The following UHRF2 variants were observed in gnomAD, a reference collection of about 807,000 sequenced individuals.
The protein encoded by UHRF2 is E3 ubiquitin-protein ligase UHRF2.
UHRF2 carries 23 observed loss-of-function variants against 96.8 expected under a neutral mutation model. That is an observed-to-expected ratio of 0.24 (90% confidence interval 0.17 to 0.34). The LOEUF (loss-of-function observed/expected upper bound fraction) is 0.34. Ranked by LOEUF, UHRF2 falls within the 10% of genes least tolerant of loss-of-function variation. The probability of loss-of-function intolerance (pLI) is 1.00; values close to 1 mark genes in which losing one functional copy is unlikely to be tolerated. For missense variants in UHRF2, 685 were observed against 981.5 expected (o/e 0.70, Z 4.04); for synonymous variants, 385 against 332.6 (o/e 1.16, Z -1.72).
chr9:6,462,327 A>C (rs917933597), intron 4 of UHRF2, among the ~76,000 whole-genome samples: 7 of 151,256 alleles, frequency 4.6e-5, no homozygotes, highest in Admixed American at 6.6e-5. Context: ...TGAGATTTAA[A>C]AAAAAAAAAA....
At chr9:6,446,628 C>T (rs1305443197) in intron 3 of UHRF2, among the ~76,000 whole-genome samples, 2 of 151,498 alleles carry the variant, frequency 1.3e-5, no homozygotes, top group Non-Finnish European at 2.9e-5. Flanking sequence ...GCGGGTGGAT[C>T]ACTTGGGGAC....
intron 13 of UHRF2, 106 bp downstream of exon 13, chr9:6,500,037 A>G: frequency 2.3e-6 from 2 of 886,718 alleles, no homozygotes; most frequent in Non-Finnish European, 3.5e-6. Context: ...CAGTGGAAAG[A>G]TCTTGGCTCA....
chr9:6,488,995 A>G (rs1008099187), intron 9 of UHRF2, among the ~76,000 whole-genome samples: 1 of 151,720 alleles, frequency 6.6e-6, no homozygotes, highest in East Asian at 1.9e-4. Context: ...TTTTTAGTAT[A>G]GGTGGGGTTT....
intron 3 of UHRF2, among the ~76,000 whole-genome samples, chr9:6,438,593 A>G (rs1025179042): frequency 6.6e-6 from 1 of 152,216 alleles, no homozygotes. Flanking sequence ...GTAGCAGTGT[A>G]GTTTGAACAA....
intron 3 of UHRF2, among the ~76,000 whole-genome samples, chr9:6,451,773 T>TTTGTTGTTGTTGTTGTTGTTG (rs1168664809): frequency 3.0e-4 from 45 of 148,918 alleles, no homozygotes; most frequent in African/African-American, 5.0e-4. Context: ...GCCCGGCCTG[T>TTTGTTGTTGTTGTTGTTGTTG]TTGTTGTTGT....
At chr9:6,446,916 T>C (rs1039948051) in intron 3 of UHRF2, among the ~76,000 whole-genome samples, 1 of 151,704 alleles carries the variant, frequency 6.6e-6, no homozygotes, top group African/African-American at 2.4e-5. Flanking sequence ...TGAGACAGAG[T>C]CTTGCTCTGT....
intron 3 of UHRF2, 70 bp from the exon 4 acceptor site, chr9:6,460,503 T>C (rs1285952324): frequency 1.5e-6 from 2 of 1,351,534 alleles, no homozygotes; most frequent in African/African-American, 2.9e-5. Context: ...AAATTAGGTT[T>C]TTCTGTACAT....
chr9:6,413,958 C>G (rs916697668), intron 1 of UHRF2: 4 of 215,328 alleles, frequency 1.9e-5, no homozygotes, highest in African/African-American at 9.1e-5. Context: ...CCTCGCTTCC[C>G]GCGCTCGGCG....
intron 1 of UHRF2, among the ~76,000 whole-genome samples, chr9:6,420,309 C>T (rs1453287346): frequency 6.6e-6 from 1 of 151,740 alleles, no homozygotes; most frequent in African/African-American, 2.4e-5. Flanking sequence ...CTCTTTTCGG[C>T]CTCCCAAAGT....
At chr9:6,421,247 G>C (rs1020408732) in intron 2 of UHRF2, 105 bp downstream of exon 2, 1 of 864,858 alleles carries the variant, frequency 1.2e-6, no homozygotes, top group Admixed American at 2.9e-5. Flanking sequence ...TGAAAGTAAA[G>C]ATTGGGATGT....
chr9:6,484,278 G>A (rs1285767712), intron 8 of UHRF2, among the ~76,000 whole-genome samples: 1 of 151,930 alleles, frequency 6.6e-6, no homozygotes, highest in African/African-American at 2.4e-5. Flanking sequence ...GTCATGCTAT[G>A]TTACCCAGGC....
chr9:6,448,555 G>A (rs1300275769), intron 3 of UHRF2, among the ~76,000 whole-genome samples: 1 of 152,198 alleles, frequency 6.6e-6, no homozygotes, highest in African/African-American at 2.4e-5. Flanking sequence ...ATGCCAGACT[G>A]TCCTAAGGGT....
intron 3 of UHRF2, among the ~76,000 whole-genome samples, chr9:6,458,750 A>G (rs905524538): frequency 3.3e-5 from 5 of 152,316 alleles, no homozygotes; most frequent in East Asian, 1.9e-4. Context: ...TCATTCTACT[A>G]TAAAGACACA....
At chr9:6,505,455 C>G (rs1377767474) in intron 15 of UHRF2, among the ~76,000 whole-genome samples, 1 of 152,072 alleles carries the variant, frequency 6.6e-6, no homozygotes, top group Non-Finnish European at 1.5e-5. Flanking sequence ...ACCACCCTGC[C>G]CAGCTAATTT....
At chr9:6,504,918 TGAG>T (rs1816504977) in intron 15 of UHRF2, among the ~76,000 whole-genome samples, 2 of 152,206 alleles carry the variant, frequency 1.3e-5, no homozygotes, top group African/African-American at 4.8e-5. Context: ...TTTGGAATTT[TGAG>T]GAGGGGCTGA....
chr9:6,455,080 C>G (rs1047497857), intron 3 of UHRF2, among the ~76,000 whole-genome samples: 5 of 152,176 alleles, frequency 3.3e-5, no homozygotes, highest in Non-Finnish European at 5.9e-5. Context: ...CCAGATGTTA[C>G]TCATTTCTTT....
intron 8 of UHRF2, among the ~76,000 whole-genome samples, chr9:6,484,911 A>G (rs1445636991): frequency 1.4e-5 from 2 of 146,772 alleles, no homozygotes; most frequent in African/African-American, 5.1e-5. Context: ...CTCCTGCCTC[A>G]GCCTCCCAAG....
At chr9:6,446,952 A>G (rs1186904944) in intron 3 of UHRF2, among the ~76,000 whole-genome samples, 1 of 152,056 alleles carries the variant, frequency 6.6e-6, no homozygotes, top group Non-Finnish European at 1.5e-5. Flanking sequence ...GCAGTAGCAC[A>G]ATCTCGGCTC....
intron 2 of UHRF2, among the ~76,000 whole-genome samples, chr9:6,423,363 A>C (rs1165475575): frequency 6.6e-6 from 1 of 152,190 alleles, no homozygotes; most frequent in African/African-American, 2.4e-5. Context: ...AAACATGACA[A>C]AAAGCACATC....
Sources: gnomAD v4.1 joint callset for allele counts (sites outside exome capture counted in the v4.1 genomes callset) on GRCh38, gnomAD v4.1.1 for gene constraint, MANE v1.5 for transcripts, NCBI Gene and HGNC (gene_info 2026-07-23, HGNC 2026-07-21) for gene names.